Variants in BPIFC observed in about 807,000 individuals in gnomAD.
BPIFC encodes the protein BPI fold containing family C, also known as BPI fold-containing family C protein.
A neutral mutation model predicts 57.6 loss-of-function variants in BPIFC; 60 were observed. The ratio of observed to expected loss-of-function variants is 1.04; its 90% CI spans 0.85 to 1.29. BPIFC has a LOEUF of 1.29. Ranked by LOEUF, BPIFC falls within the 50% of genes most tolerant of loss-of-function variation. The pLI, the probability that BPIFC is intolerant of heterozygous loss-of-function variation, is 0.00. For synonymous variants in BPIFC, 243 were observed against 224.5 expected, an observed-to-expected ratio of 1.08 and a Z score of -0.74; for missense variants, 581 against 600.5, an observed-to-expected ratio of 0.97 and a Z score of 0.34.
intron 1 of BPIFC, 60 bp from the exon 2 acceptor site, chr22:32,461,721 A>G: frequency 1.1e-6 from 1 of 872,532 alleles, no homozygotes; most frequent in Non-Finnish European, 1.4e-6. Context: ...TCTGGGACTC[A>G]GGTTAGTGGC....
At chr22:32,460,125 A>G (rs1440825609) in intron 2 of BPIFC, among the ~76,000 whole-genome samples, 1 of 152,192 alleles carries the variant, frequency 6.6e-6, no homozygotes, top group South Asian at 2.1e-4. Flanking sequence ...AATTTGCTTG[A>G]AAAGAACAGA....
intron 8 of BPIFC, among the ~76,000 whole-genome samples, chr22:32,438,169 C>T (rs1319414993): frequency 1.3e-5 from 2 of 152,148 alleles, no homozygotes; most frequent in South Asian, 2.1e-4. Flanking sequence ...ACAGTACCAA[C>T]CCCTACATAC....
At chr22:32,431,525 A>G (rs1934242945) in intron 12 of BPIFC, 111 bp from the exon 13 acceptor site, 2 of 693,978 alleles carry the variant, frequency 2.9e-6, no homozygotes, top group Admixed American at 2.6e-5. Flanking sequence ...CCTTAGTGTA[A>G]AGACATTGGA....
At chr22:32,461,705 A>G (rs1935163373) in intron 1 of BPIFC, 44 bp from the exon 2 acceptor site, 3 of 946,578 alleles carry the variant, frequency 3.2e-6, no homozygotes, top group Non-Finnish European at 3.8e-6. Flanking sequence ...GAGTGAGGAG[A>G]ACACTTCTGG....
At chr22:32,424,585 T>C (rs1338899552) in intron 13 of BPIFC, among the ~76,000 whole-genome samples, 3 of 84,964 alleles carry the variant, frequency 3.5e-5, no homozygotes, top group Middle Eastern at 5.3e-3. Context: ...TTCTTCTTCT[T>C]CTTCTTCTTC....
chr22:32,430,797 G>A (rs2069452561), intron 13 of BPIFC, among the ~76,000 whole-genome samples: 2 of 151,526 alleles, frequency 1.3e-5, no homozygotes, highest in East Asian at 1.9e-4. Context: ...TGCACACCAC[G>A]CCTAGCTAAT....
chr22:32,438,285 A>T (rs1000183670), intron 8 of BPIFC, among the ~76,000 whole-genome samples: 2 of 152,272 alleles, frequency 1.3e-5, no homozygotes, highest in Non-Finnish European at 2.9e-5. Context: ...TTGACCACGG[A>T]TAACTGAAAC....
chr22:32,424,642 C>CTCTTCTTCTTCTCTTCTTCTTCTTCT (rs1933964132), intron 13 of BPIFC, among the ~76,000 whole-genome samples: 1 of 28,754 alleles, frequency 3.5e-5, no homozygotes, highest in Non-Finnish European at 5.7e-5. Flanking sequence ...TCTTCTTCTT[C>CTCTTCTTCTTCTCTTCTTCTTCTTCT]TCTTCTTCTT....
At position 32,432,538 on chromosome 22, in the gene BPIFC, T is replaced by C. The variant is rs750449079; in HGVS notation, c.984A>G (p.Ala328=). 55 of 1,612,522 alleles carry C rather than the reference T, an allele frequency of 3.4e-5. No homozygotes were observed. In the South Asian group the frequency reaches 5.8e-4, roughly 17 times the overall value. The part of the protein sequence containing the change: ...QGLGNVLSRI[A]EIYILSQPFM... ...AGGGCTGGGACAAGATGTAGATCTC[T>C]GCAATCTGCCCACATTCCGAGAAAG... Residue 328 remains alanine (A), a synonymous_variant, in exon 12 of 17, where the codon GCA becomes GCG. Coordinates refer to ENST00000300399, the MANE Select transcript of BPIFC (RefSeq NM_174932.3).
intron 3 of BPIFC, among the ~76,000 whole-genome samples, chr22:32,457,037 C>G (rs1935052426): frequency 6.6e-6 from 1 of 152,178 alleles, no homozygotes; most frequent in Non-Finnish European, 1.5e-5. Flanking sequence ...GAGAGAGAGA[C>G]AATGAGAATC....
rs1189647948 is a variant in BPIFC at position 32,445,848 on chromosome 22, C to A, written c.523G>T (p.Glu175Ter). 1.2e-6 allele frequency: 2 copies of A among 1,613,354 alleles called. No homozygotes were observed. The highest frequency in any genetic ancestry group is 1.3e-5 in the African/African-American group (1 of 74,832). Reference protein sequence around the residue: ...LSHAHVSFSGELSVLYNSFAE... With the variant: ...LSHAHVSFSG The stretch of plus-strand genomic sequence containing the variant: ...CCCAGGGCTCTCATTCACCTGAGTT[C>A]TCCGGAAAATGAGACGTGGGCATGG... The change falls in exon 6 of 17, where the codon GAA becomes TAA. Residue 175 changes from glutamate to a stop codon, truncating the protein, a stop_gained. Transcript: ENST00000300399. LOFTEE classifies it high-confidence loss of function.
intron 10 of BPIFC, among the ~76,000 whole-genome samples, chr22:32,434,978 A>T (rs923144688): frequency 9.6e-6 from 1 of 103,974 alleles, no homozygotes; most frequent in Non-Finnish European, 2.0e-5. Context: ...TTACGTCAGC[A>T]TAATACAGGG....
rs200070078 is a variant in BPIFC, at chr22:32,414,302, A to G, written c.*1T>C. 1.7e-4 allele frequency: 279 copies of G among 1,612,790 alleles called. No homozygotes were observed. The highest frequency in any genetic ancestry group is 2.3e-4 in the Non-Finnish European group (271 of 1,179,500). ...TCCTGGGGTGAATTGCAAACCGGCA[A>G]TCAAGGGGCTGACTTCCCCCTCCAC... On this transcript the variant is annotated 3_prime_UTR_variant, in exon 17 of 17. Transcript: ENST00000300399.
intron 13 of BPIFC, among the ~76,000 whole-genome samples, chr22:32,428,008 A>C (rs1489152409): frequency 1.3e-5 from 2 of 151,978 alleles, no homozygotes; most frequent in Non-Finnish European, 2.9e-5. Context: ...GAACAAAACA[A>C]AACAAAAAAG....
rs1259110804 is a variant in BPIFC at position 32,415,937 on chromosome 22, T to G, written c.1379A>C (p.Asn460Thr). The change falls in exon 16 of 17, where the codon AAT (asparagine) becomes ACT (threonine). Residue 460 changes from asparagine (N) to threonine (T), a missense_variant. Coordinates refer to ENST00000300399, the MANE Select transcript of BPIFC (RefSeq NM_174932.3). ...TACCTCAAGAACTTCAATATCTGAATTGACGAATAAGAATTTGTGTGGATT... is the reference window on the plus strand; with the variant it reads ...TACCTCAAGAACTTCAATATCTGAAGTGACGAATAAGAATTTGTGTGGATT... ...LSNPHKFLFVNSDIEVLEGFL... is the reference protein window; with the variant it reads ...LSNPHKFLFVTSDIEVLEGFL... 1.3e-6 allele frequency: 2 copies of G among 1,593,560 alleles called. No individual in the cohort carries two copies. The highest frequency in any genetic ancestry group is 3.6e-5 in the Admixed American group (2 of 56,086).
At position 32,435,409 on chromosome 22, in the gene BPIFC, T is replaced by G. The variant is rs1934359795; in HGVS notation, c.924+295A>C. Among the ~76,000 whole-genome samples the G allele has an allele frequency of 2.6e-5, 4 of 152,190 alleles. No homozygotes were observed. The South Asian group carries it at 8.3e-4, about 31-fold the overall frequency. On this transcript the variant is annotated intron_variant, in intron 10 of 16. Transcript: ENST00000300399. ...GAAATGCTTATTGGAGCATTTTAGA[T>G]TTTGGATTTTCAGATTAGGGCTGCT...
intron 13 of BPIFC, among the ~76,000 whole-genome samples, chr22:32,430,366 C>T (rs553479756): frequency 6.6e-6 from 1 of 152,026 alleles, no homozygotes; most frequent in Admixed American, 6.6e-5. Context: ...GCTCTTTCCT[C>T]ACTAGCATGC....
intron 7 of BPIFC, among the ~76,000 whole-genome samples, 168 bp from the exon 8 acceptor site, chr22:32,442,899 C>T (rs558450473): frequency 1.1e-4 from 17 of 152,282 alleles, no homozygotes; most frequent in Admixed American, 7.8e-4. Flanking sequence ...CCTCGCTTTA[C>T]GTAGATACGG....
At chr22:32,460,630 T>A (rs369707465) in intron 2 of BPIFC, among the ~76,000 whole-genome samples, 6 of 152,294 alleles carry the variant, frequency 3.9e-5, no homozygotes, top group African/African-American at 1.4e-4. Context: ...TTGCCTATGT[T>A]TTTCCCCTCT....
Sources: gnomAD v4.1 joint callset for allele counts (sites outside exome capture counted in the v4.1 genomes callset) on GRCh38, gnomAD v4.1.1 for gene constraint, MANE v1.5 for transcripts, NCBI Gene and HGNC (gene_info 2026-07-23, HGNC 2026-07-21) for gene names.